Variants in HDAC4 observed in about 807,000 individuals in gnomAD.
The protein encoded by HDAC4 is histone deacetylase 4.
A neutral mutation model predicts 135.1 loss-of-function variants in HDAC4; 16 were observed. That is an observed-to-expected ratio of 0.12 (90% CI 0.08 to 0.18). The LOEUF (loss-of-function observed/expected upper bound fraction) is 0.18, where lower values mean the gene tolerates loss of function less well. Ranked by LOEUF, HDAC4 falls within the 10% of genes least tolerant of loss-of-function variation. The pLI is 1.00. For synonymous variants in HDAC4, 685 were observed against 653.4 expected (o/e 1.05, Z -0.74); for missense variants, 1,143 against 1,511.8 (o/e 0.76, Z 4.05).
At chr2:239,384,750 G>C (rs538530368) in intron 1 of HDAC4, among the ~76,000 whole-genome samples, 1 of 152,172 alleles carries the variant, frequency 6.6e-6, no homozygotes, top group Non-Finnish European at 1.5e-5. Context: ...TATACCCCAC[G>C]GCTCTGTCCC....
intron 7 of HDAC4, among the ~76,000 whole-genome samples, chr2:239,153,217 G>C (rs1164601565): frequency 6.6e-6 from 1 of 152,194 alleles, no homozygotes; most frequent in Non-Finnish European, 1.5e-5. Context: ...AAATGCATGG[G>C]GTGACGACAA....
At chr2:239,124,919 C>CCGGCG (rs2152844770) in intron 12 of HDAC4, among the ~76,000 whole-genome samples, 1 of 145,292 alleles carries the variant, frequency 6.9e-6, no homozygotes, top group Non-Finnish European at 1.5e-5. Flanking sequence ...TTCCGGTGTG[C>CCGGCG]TGGCGTGTGG....
chr2:239,123,037 G>A (rs1030310938), intron 12 of HDAC4, among the ~76,000 whole-genome samples: 8 of 152,172 alleles, frequency 5.3e-5, no homozygotes, highest in African/African-American at 1.9e-4. Flanking sequence ...CTGTCTAAAC[G>A]TTTCAATCAA....
At chr2:239,227,692 G>A (rs1004688096) in intron 3 of HDAC4, among the ~76,000 whole-genome samples, 2 of 152,176 alleles carry the variant, frequency 1.3e-5, no homozygotes, top group Non-Finnish European at 2.9e-5. Flanking sequence ...GGCATGCCTC[G>A]GGTGCGGAGG....
chr2:239,112,318 A>G (rs2038749963), intron 13 of HDAC4, among the ~76,000 whole-genome samples: 1 of 152,218 alleles, frequency 6.6e-6, no homozygotes. Context: ...ACAGCATTGA[A>G]TCTGCATGCC....
chr2:239,300,308 G>A (rs779334182), intron 2 of HDAC4, among the ~76,000 whole-genome samples: 1 of 152,180 alleles, frequency 6.6e-6, no homozygotes, highest in African/African-American at 2.4e-5. Context: ...CTGAGAGTGC[G>A]CTGTAGGTAG....
At chr2:239,071,199 C>T (rs1480333102) in intron 22 of HDAC4, among the ~76,000 whole-genome samples, 1 of 152,008 alleles carries the variant, frequency 6.6e-6, no homozygotes, top group African/African-American at 2.4e-5. Flanking sequence ...GGGCAGATCA[C>T]CTGAGGTCAG....
At chr2:239,095,279 TGGTGGG>T (rs2036914829) in intron 16 of HDAC4, among the ~76,000 whole-genome samples, 1 of 152,080 alleles carries the variant, frequency 6.6e-6, no homozygotes, top group Non-Finnish European at 1.5e-5. Flanking sequence ...TCACAGACCC[TGGTGGG>T]GACACCTCAA....
chr2:239,190,733 C>T (rs1011307304), intron 3 of HDAC4, among the ~76,000 whole-genome samples: 3 of 152,210 alleles, frequency 2.0e-5, no homozygotes, highest in Non-Finnish European at 4.4e-5. Flanking sequence ...CGTTTCTGCA[C>T]CTCGCGAAGA....
At position 239,049,812 on chromosome 2, in the gene HDAC4, C is replaced by G. The variant is rs1362736800; in HGVS notation, c.*3285G>C. ...CCACGGCCTCCGGGACAGCCGCCTG[C>G]TGGTGGGGCGTGGGCACGTGGGCAC... On this transcript the variant is annotated 3_prime_UTR_variant, in exon 27 of 27. Transcript: ENST00000543185. The G allele has an allele frequency of 6.6e-6, 1 of 152,322 alleles. No homozygotes were observed. 9.4% of individuals were successfully genotyped at this position (152,322 alleles called of 1,614,324 possible).
rs112816375 is a variant in HDAC4, at chr2:239,127,810, C to T, written c.1295-1116G>A. Among the ~76,000 whole-genome samples the T allele has an allele frequency of 1.6e-3, 242 of 152,294 alleles. 2 individuals are homozygous for T. The highest frequency in any genetic ancestry group is 5.3e-3 in the African/African-American group (222 of 41,564). ...TCCAGGGATACCAAGGTGGCCCTGC[C>T]GGCAAGTGGCAGCTCCTGTCCTGTC... On this transcript the variant is annotated intron_variant, in intron 11 of 26. Coordinates refer to ENST00000543185, the MANE Select transcript of HDAC4 (RefSeq NM_001378414.1).
At chr2:239,368,555 T>C (rs762728735) in intron 1 of HDAC4, among the ~76,000 whole-genome samples, 1 of 152,006 alleles carries the variant, frequency 6.6e-6, no homozygotes, top group East Asian at 1.9e-4. Flanking sequence ...TCCTTCTCCA[T>C]TGGGGGATAA....
intron 3 of HDAC4, among the ~76,000 whole-genome samples, chr2:239,232,503 G>A (rs1362083021): frequency 1.7e-4 from 24 of 137,752 alleles, no homozygotes; most frequent in African/African-American, 5.6e-4. Context: ...CCATGTCTCC[G>A]CCTGGGATCT....
At chr2:239,156,597 GT>G in intron 7 of HDAC4, 54 bp downstream of exon 7, 1 of 1,612,732 alleles carries the variant, frequency 6.2e-7, no homozygotes, top group South Asian at 1.1e-5. Context: ...GGCTTGTGGC[GT>G]GGAAGGTGCC....
At chr2:239,365,288 A>G (rs2125983114) in intron 1 of HDAC4, among the ~76,000 whole-genome samples, 1 of 152,354 alleles carries the variant, frequency 6.6e-6, no homozygotes, top group Admixed American at 6.5e-5. Flanking sequence ...ATTTGTTGGG[A>G]CAGATTTATA....
chr2:239,398,458 G>C (rs1696713637), intron 1 of HDAC4, among the ~76,000 whole-genome samples: 2 of 152,216 alleles, frequency 1.3e-5, no homozygotes, highest in African/African-American at 4.8e-5. Context: ...TAGTTAAAAG[G>C]AAAGAGTTAT....
chr2:239,392,193 C>T (rs1406289910), intron 1 of HDAC4, among the ~76,000 whole-genome samples: 1 of 152,220 alleles, frequency 6.6e-6, no homozygotes, highest in Non-Finnish European at 1.5e-5. Flanking sequence ...AGCCAGCAAC[C>T]GAGCTACGCT....
intron 16 of HDAC4, among the ~76,000 whole-genome samples, chr2:239,097,128 G>A (rs986025256): frequency 3.5e-4 from 53 of 152,336 alleles, no homozygotes; most frequent in African/African-American, 1.3e-3. Context: ...CTACGTGCTC[G>A]GAGGAGCCAG....
chr2:239,394,433 G>A (rs979109706), intron 1 of HDAC4, among the ~76,000 whole-genome samples: 2 of 152,150 alleles, frequency 1.3e-5, no homozygotes, highest in African/African-American at 4.8e-5. Flanking sequence ...AGCACCACTC[G>A]CCTCCTCACA....
Sources: allele counts gnomAD v4.1 joint callset (sites outside exome capture counted in the v4.1 genomes callset), GRCh38; gene constraint gnomAD v4.1.1; transcripts MANE v1.5; gene names NCBI Gene and HGNC (gene_info 2026-07-23, HGNC 2026-07-21).